SCN9A: variants seen among roughly 807,000 people sequenced by gnomAD.
The protein encoded by SCN9A is sodium voltage-gated channel alpha subunit 9, also known as sodium channel protein type 9 subunit alpha.
A neutral mutation model predicts 187.0 loss-of-function variants in SCN9A; 131 were observed. The ratio of observed to expected loss-of-function variants is 0.70; its 90% CI spans 0.61 to 0.81. The LOEUF is 0.81. SCN9A is among the 30% of genes least tolerant of loss of function. The pLI is 0.00. For missense variants in SCN9A, 2,252 were observed against 2,396.6 expected (o/e 0.94, Z 1.26); for synonymous variants, 809 against 808.6 (o/e 1.00, Z -0.01).
intron 6 of SCN9A, 32 bp downstream of exon 6, chr2:166,304,206 T>G: frequency 6.2e-7 from 1 of 1,610,308 alleles, no homozygotes; most frequent in Non-Finnish European, 8.5e-7. Flanking sequence ...GAGTTATGAG[T>G]GGCCTAATGC....
intron 16 of SCN9A, among the ~76,000 whole-genome samples, chr2:166,276,015 G>A (rs1697219882): frequency 6.6e-6 from 1 of 152,108 alleles, no homozygotes; most frequent in South Asian, 2.1e-4. Flanking sequence ...TACCTGATGA[G>A]AGATTTGATG....
At chr2:166,245,911 T>C (rs1695767347) in intron 18 of SCN9A, among the ~76,000 whole-genome samples, 1 of 152,070 alleles carries the variant, frequency 6.6e-6, no homozygotes, top group South Asian at 2.1e-4. Flanking sequence ...AAATGTTTTG[T>C]AATGAATCTT....
At chr2:166,234,397 G>A (rs938758051) in intron 20 of SCN9A, among the ~76,000 whole-genome samples, 7 of 152,152 alleles carry the variant, frequency 4.6e-5, no homozygotes, top group African/African-American at 1.7e-4. Context: ...GTTAGTGACT[G>A]AGAGATTCAA....
At chr2:166,243,426 T>A (rs1042387878) in intron 18 of SCN9A, among the ~76,000 whole-genome samples, 3 of 151,972 alleles carry the variant, frequency 2.0e-5, no homozygotes, top group African/African-American at 7.2e-5. Context: ...TATAACTAGA[T>A]ATGGCAACTA....
At chr2:166,324,120 T>C (rs947578693) in intron 1 of SCN9A, among the ~76,000 whole-genome samples, 4 of 151,738 alleles carry the variant, frequency 2.6e-5, no homozygotes, top group Non-Finnish European at 5.9e-5. Flanking sequence ...AATAACTTAA[T>C]CTTATTTCGA....
At chr2:166,228,594 T>C in intron 22 of SCN9A, 97 bp downstream of exon 22, 1 of 1,185,354 alleles carries the variant, frequency 8.4e-7, no homozygotes, top group South Asian at 1.6e-5. Context: ...CAGTATTTTA[T>C]CTTCAATTTA....
At chr2:166,348,471 C>T (rs918289627) in intron 1 of SCN9A, among the ~76,000 whole-genome samples, 3 of 152,140 alleles carry the variant, frequency 2.0e-5, no homozygotes, top group Non-Finnish European at 4.4e-5. Flanking sequence ...AACCCTAAAC[C>T]CTTTCCCTTT....
intron 24 of SCN9A, among the ~76,000 whole-genome samples, chr2:166,209,748 C>T (rs932543494): frequency 2.6e-5 from 4 of 151,470 alleles, no homozygotes; most frequent in East Asian, 2.0e-4. Flanking sequence ...AAATCAAAAC[C>T]GCAATGAGAT....
At chr2:166,311,196 A>G (rs932275550) in intron 2 of SCN9A, among the ~76,000 whole-genome samples, 1 of 139,110 alleles carries the variant, frequency 7.2e-6, no homozygotes, top group African/African-American at 2.8e-5. Context: ...ATGTATACAT[A>G]TGTAACTAAC....
intron 1 of SCN9A, among the ~76,000 whole-genome samples, chr2:166,337,101 T>C (rs1270987824): frequency 6.6e-6 from 1 of 151,990 alleles, no homozygotes; most frequent in Non-Finnish European, 1.5e-5. Context: ...CTGATATGAT[T>C]GGTGGGGGTA....
chr2:166,244,752 G>C (rs1472470780), intron 18 of SCN9A, among the ~76,000 whole-genome samples: 1 of 151,978 alleles, frequency 6.6e-6, no homozygotes, highest in Non-Finnish European at 1.5e-5. Flanking sequence ...ATGTCACACT[G>C]TTGAGCTACT....
chr2:166,255,138 A>G (rs2106432189), intron 17 of SCN9A, among the ~76,000 whole-genome samples: 1 of 151,628 alleles, frequency 6.6e-6, no homozygotes, highest in South Asian at 2.1e-4. Flanking sequence ...AGAGAGAGAG[A>G]GAGAGACATA....
At chr2:166,350,596 T>C (rs1700010955) in intron 1 of SCN9A, among the ~76,000 whole-genome samples, 1 of 152,214 alleles carries the variant, frequency 6.6e-6, no homozygotes, top group African/African-American at 2.4e-5. Flanking sequence ...CTATGCCCAC[T>C]ATTATCCTAG....
chr2:166,304,636 T>C (rs951301755), intron 5 of SCN9A, among the ~76,000 whole-genome samples: 13 of 152,096 alleles, frequency 8.5e-5, no homozygotes, highest in African/African-American at 2.7e-4. Context: ...TATAAAACAT[T>C]GAAAATAGTA....
At chr2:166,274,639 C>A (rs988286842) in intron 16 of SCN9A, among the ~76,000 whole-genome samples, 2 of 152,036 alleles carry the variant, frequency 1.3e-5, no homozygotes, top group African/African-American at 4.8e-5. Flanking sequence ...TGGTTATCAA[C>A]TTTATGAATT....
At chr2:166,284,397 T>C in intron 12 of SCN9A, 56 bp downstream of exon 12, 1 of 1,548,588 alleles carries the variant, frequency 6.5e-7, no homozygotes, top group Non-Finnish European at 8.7e-7. Flanking sequence ...GCAGAGAGAC[T>C]GACTGATGCA....
In SCN9A at chr2:166,358,098, G is replaced by A. The variant is rs970171618; in HGVS notation, c.-51+17599C>T. 6.1e-5 allele frequency among the ~76,000 whole-genome samples: 9 copies of A among 147,974 alleles called. 1 individual carries two copies. The highest frequency in any genetic ancestry group is 4.1e-4 in the Admixed American group (6 of 14,764). ...TATTTATTTATTTTGAGATGGAGTC[G>A]CTCTCTCATTGCCCAGGCTGGAGTG... On this transcript the variant is annotated intron_variant, in intron 1 of 26. Transcript: ENST00000642356.
At chr2:166,273,248 A>T (rs774519411) in intron 16 of SCN9A, among the ~76,000 whole-genome samples, 1 of 152,156 alleles carries the variant, frequency 6.6e-6, no homozygotes, top group Non-Finnish European at 1.5e-5. Flanking sequence ...CCTAGCATTC[A>T]TCTATCATTA....
chr2:166,287,333 C>A (rs570085712), intron 10 of SCN9A, among the ~76,000 whole-genome samples: 1 of 151,768 alleles, frequency 6.6e-6, no homozygotes, highest in Admixed American at 6.6e-5. Context: ...GAGATTGTAT[C>A]GGACTATATT....
Sources: allele counts gnomAD v4.1 joint callset (sites outside exome capture counted in the v4.1 genomes callset), GRCh38; gene constraint gnomAD v4.1.1; transcripts MANE v1.5; gene names NCBI Gene and HGNC (gene_info 2026-07-23, HGNC 2026-07-21).